HDAC9: variants seen among roughly 807,000 people sequenced by gnomAD.
HDAC9 encodes the protein histone deacetylase 9, also known as MEF-2 interacting transcription repressor (MITR) protein.
Under a neutral mutation model 139.4 loss-of-function variants are expected in HDAC9, and 41 were observed. The ratio of observed to expected loss-of-function variants is 0.29; its 90% CI spans 0.23 to 0.38. The LOEUF is 0.38. Ranked by LOEUF, HDAC9 falls within the 10% of genes least tolerant of loss-of-function variation. The pLI is 1.00. For synonymous variants in HDAC9, 517 were observed against 476.2 expected (o/e 1.09, Z -1.12); for missense variants, 1,147 against 1,297.0 (o/e 0.88, Z 1.78).
intron 24 of HDAC9, among the ~76,000 whole-genome samples, chr7:18,963,481 C>T (rs1010883795): frequency 6.6e-6 from 1 of 151,976 alleles, no homozygotes; most frequent in African/African-American, 2.4e-5. Context: ...ATCCAATGCA[C>T]AATAACACAA....
intron 1 of HDAC9, among the ~76,000 whole-genome samples, chr7:18,389,660 G>A (rs919958525): frequency 6.6e-6 from 1 of 152,116 alleles, no homozygotes; most frequent in African/African-American, 2.4e-5. Context: ...ACAAGATGAT[G>A]GGAAGGAATT....
chr7:18,367,561 A>G (rs1373458595), intron 1 of HDAC9, among the ~76,000 whole-genome samples: 2 of 152,138 alleles, frequency 1.3e-5, no homozygotes, highest in African/African-American at 4.8e-5. Flanking sequence ...TCTTCCTTGA[A>G]TAAATGACAT....
At chr7:18,794,113 A>G (rs1489689289) in intron 17 of HDAC9, among the ~76,000 whole-genome samples, 2 of 152,204 alleles carry the variant, frequency 1.3e-5, no homozygotes, top group Non-Finnish European at 1.5e-5. Context: ...TGGTATTTTA[A>G]CAGTGCTATT....
intron 2 of HDAC9, among the ~76,000 whole-genome samples, chr7:18,253,211 C>T (rs986298371): frequency 1.3e-5 from 2 of 152,168 alleles, no homozygotes; most frequent in Non-Finnish European, 2.9e-5. Context: ...CTGCAGTGAG[C>T]ATATGCATGC....
At position 18,445,616 on chromosome 7, in the gene HDAC9, G is replaced by C. The variant is rs897348629; in HGVS notation, c.-41-50646G>C. 2.5e-4 allele frequency among the ~76,000 whole-genome samples: 38 copies of C among 152,140 alleles called. 1 individual carries two copies. Among genetic ancestry groups the C allele is most frequent in the Admixed American group, 6.5e-5 (1 of 15,278 alleles). On this transcript the variant is annotated intron_variant, in intron 1 of 3. Coordinates refer to the HDAC9 transcript ENST00000413509. ...CAATTTTAATGAAAAGTTAAACCCA[G>C]TACTGTTTATCAGTGCCAGTAATTG...
chr7:18,682,995 A>G (rs1360641170), intron 12 of HDAC9, among the ~76,000 whole-genome samples: 1 of 151,952 alleles, frequency 6.6e-6, no homozygotes, highest in Admixed American at 6.6e-5. Flanking sequence ...ACAACAAAAA[A>G]AATTTAAAGA....
intron 2 of HDAC9, among the ~76,000 whole-genome samples, chr7:18,239,769 A>G (rs1199799794): frequency 6.6e-6 from 1 of 152,118 alleles, no homozygotes; most frequent in Non-Finnish European, 1.5e-5. Flanking sequence ...GGAGAATGGG[A>G]ATGACTTTTG....
chr7:18,959,721 A>C (rs906002598), intron 24 of HDAC9, among the ~76,000 whole-genome samples: 1 of 152,196 alleles, frequency 6.6e-6, no homozygotes, highest in Non-Finnish European at 1.5e-5. Context: ...ACAAAGTGGC[A>C]AATAGGCAGA....
chr7:18,187,648 A>G (rs940804962), intron 2 of HDAC9, among the ~76,000 whole-genome samples: 4 of 152,144 alleles, frequency 2.6e-5, no homozygotes, highest in African/African-American at 7.2e-5. Flanking sequence ...CTACTATTCT[A>G]CTAGACTTAG....
chr7:18,486,499 C>A (rs939263302), intron 1 of HDAC9, among the ~76,000 whole-genome samples: 1 of 152,058 alleles, frequency 6.6e-6, no homozygotes, highest in Non-Finnish European at 1.5e-5. Context: ...TTGATGTTCT[C>A]AGAGTGTCTC....
chr7:18,823,659 C>G (rs565078047), intron 17 of HDAC9, among the ~76,000 whole-genome samples: 12 of 151,976 alleles, frequency 7.9e-5, no homozygotes, highest in Non-Finnish European at 1.3e-4. Context: ...CTTAAGGTCC[C>G]CAGTGAGATA....
At chr7:18,548,436 G>A (rs1738442375) in intron 2 of HDAC9, among the ~76,000 whole-genome samples, 1 of 152,146 alleles carries the variant, frequency 6.6e-6, no homozygotes, top group Non-Finnish European at 1.5e-5. Context: ...AAGCCGAGTT[G>A]CCACAAAACA....
intron 1 of HDAC9, among the ~76,000 whole-genome samples, chr7:18,313,473 C>G (rs1381056508): frequency 6.6e-6 from 1 of 152,074 alleles, no homozygotes; most frequent in Non-Finnish European, 1.5e-5. Flanking sequence ...GGCTCAGATC[C>G]AAATACTTAG....
At chr7:18,644,636 T>C in intron 8 of HDAC9, 35 bp from the exon 9 acceptor site, 1 of 1,575,092 alleles carries the variant, frequency 6.3e-7, no homozygotes, top group Non-Finnish European at 8.6e-7. Context: ...TTTGTGATAC[T>C]GTGGTATTTT....
chr7:18,907,622 C>G (rs1585282334), intron 22 of HDAC9, among the ~76,000 whole-genome samples: 3 of 152,288 alleles, frequency 2.0e-5, no homozygotes, highest in East Asian at 1.9e-4. Flanking sequence ...GGAGCTATAG[C>G]TAGATAATTC....
intron 2 of HDAC9, among the ~76,000 whole-genome samples, chr7:18,227,387 GGGA>G (rs908915607): frequency 3.9e-5 from 6 of 152,138 alleles, no homozygotes; most frequent in African/African-American, 1.4e-4. Flanking sequence ...TCTGGTTTAT[GGGA>G]GGAGAAAGGA....
intron 1 of HDAC9, among the ~76,000 whole-genome samples, chr7:18,321,449 T>A (rs1800025663): frequency 6.6e-6 from 1 of 152,244 alleles, no homozygotes; most frequent in Non-Finnish European, 1.5e-5. Context: ...CAGGCCATTC[T>A]AAATAGGTGA....
intron 17 of HDAC9, among the ~76,000 whole-genome samples, chr7:18,820,915 G>C (rs999202036): frequency 9.9e-5 from 15 of 152,168 alleles, no homozygotes; most frequent in African/African-American, 3.6e-4. Context: ...TAGTCCATTT[G>C]TACTGCTGTA....
chr7:18,575,884 GT>G (rs1825813297), intron 2 of HDAC9, among the ~76,000 whole-genome samples: 1 of 152,070 alleles, frequency 6.6e-6, no homozygotes, highest in South Asian at 2.1e-4. Context: ...GCCTTACTAT[GT>G]TTTCATGTTG....
Sources: allele counts gnomAD v4.1 joint callset (sites outside exome capture counted in the v4.1 genomes callset), GRCh38; gene constraint gnomAD v4.1.1; transcripts MANE v1.5; gene names NCBI Gene and HGNC (gene_info 2026-07-23, HGNC 2026-07-21).